The following ZNF33B variants were observed in gnomAD, a reference collection of about 807,000 sequenced individuals.
ZNF33B encodes the protein zinc finger protein 33B, also known as zinc finger protein 11b (KOX 2).
In ZNF33B, 29 loss-of-function variants were observed where a neutral mutation model predicts 45.8. That is an observed-to-expected ratio of 0.63 (90% CI 0.47 to 0.86). The LOEUF (loss-of-function observed/expected upper bound fraction) is 0.86. ZNF33B is among the 40% of genes least tolerant of loss of function. The probability of loss-of-function intolerance (pLI) is 0.00; values close to 1 mark genes in which losing one functional copy is unlikely to be tolerated. For missense variants in ZNF33B, 831 were observed against 909.9 expected, an observed-to-expected ratio of 0.91 and a Z score of 1.12; for synonymous variants, 305 against 307.8, an observed-to-expected ratio of 0.99 and a Z score of 0.10.
At chr10:42,634,779 A>C (rs1589077769) in intron 2 of ZNF33B, among the ~76,000 whole-genome samples, 2 of 152,268 alleles carry the variant, frequency 1.3e-5, no homozygotes, top group Non-Finnish European at 2.9e-5. Flanking sequence ...ACCCATTCCA[A>C]TGAAAGAGAG....
chr10:42,621,536 A>G (rs1838590674), intron 4 of ZNF33B, among the ~76,000 whole-genome samples: 1 of 151,752 alleles, frequency 6.6e-6, no homozygotes, highest in African/African-American at 2.4e-5. Context: ...AAGAAAATCA[A>G]TGTTTTTAAA....
At chr10:42,594,965 G>A (rs1397979062) in intron 4 of ZNF33B, among the ~76,000 whole-genome samples, 1 of 151,998 alleles carries the variant, frequency 6.6e-6, no homozygotes, top group Non-Finnish European at 1.5e-5. Flanking sequence ...GGTTTCTAAT[G>A]TAAGAAGAAT....
At chr10:42,595,319 T>G (rs1288047234) in intron 4 of ZNF33B, among the ~76,000 whole-genome samples, 1 of 152,110 alleles carries the variant, frequency 6.6e-6, no homozygotes, top group Non-Finnish European at 1.5e-5. Context: ...TTCACATAGA[T>G]TAAAGCTCAG....
rs1839451617 is a variant in ZNF33B, at chr10:42,638,509, A to C, written c.-80T>G. On this transcript the variant is annotated 5_prime_UTR_variant, in exon 1 of 5. Transcript: ENST00000359467. The stretch of plus-strand genomic sequence containing the variant: ...CTTCGGGTTGCATTCGCCATAAGAG[A>C]GCCGGTAGACCCCTGAAATCCCGGG... The C allele has an allele frequency of 2.1e-6, 1 of 482,228 alleles. No individual in the cohort carries two copies. The allele number at this position is 482,228 out of a possible 1,614,324, so 29.9% of individuals were successfully genotyped here.
chr10:42,612,200 G>GT (rs746942801), intron 4 of ZNF33B, among the ~76,000 whole-genome samples: 7 of 146,930 alleles, frequency 4.8e-5, no homozygotes, highest in Non-Finnish European at 7.5e-5. Context: ...GTTTTCTTCT[G>GT]TAGCCTGTTG....
downstream of ZNF33B, among the ~76,000 whole-genome samples, chr10:42,586,628 A>G (rs1836941647): frequency 6.6e-6 from 1 of 152,036 alleles, no homozygotes. Flanking sequence ...GCTGCATGCA[A>G]ACACACACAC....
intron 1 of ZNF33B, among the ~76,000 whole-genome samples, chr10:42,577,408 C>T (rs1469142934): frequency 6.6e-6 from 1 of 152,210 alleles, no homozygotes; most frequent in Non-Finnish European, 1.5e-5. Flanking sequence ...TTCCTACCGT[C>T]TCCTTCTCCC....
At chr10:42,619,809 A>G (rs1838491394) in intron 4 of ZNF33B, among the ~76,000 whole-genome samples, 1 of 152,224 alleles carries the variant, frequency 6.6e-6, no homozygotes, top group South Asian at 2.1e-4. Flanking sequence ...CTAGATTGTC[A>G]TGAATTTAGA....
intron 4 of ZNF33B, among the ~76,000 whole-genome samples, chr10:42,615,758 T>C (rs1838284433): frequency 6.6e-6 from 1 of 151,304 alleles, no homozygotes; most frequent in Non-Finnish European, 1.5e-5. Flanking sequence ...ACCCTGTCTC[T>C]ACTAAAAATA....
At chr10:42,583,009 G>T in intron 1 of ZNF33B, 2 of 736,312 alleles carry the variant, frequency 2.7e-6, no homozygotes, top group South Asian at 1.4e-5. Flanking sequence ...TTTGGAAGAA[G>T]GGAAGGCCAT....
Position 42,600,817 on chromosome 10 carries a change from A to G in ZNF33B, c.251-6118T>C, listed in dbSNP as rs1327525789. Among the ~76,000 whole-genome samples the G allele has an allele frequency of 2.6e-5, 4 of 152,198 alleles. No homozygotes were observed. The East Asian group carries it at 7.7e-4, about 29-fold the overall frequency. ...TTTCAATATATGTTATAAACCCCAC[A>G]ATACATTTGATGTTATTTTTGTATA... is the stretch of plus-strand genomic sequence containing the variant. On this transcript the variant is annotated intron_variant, in intron 4 of 4. Coordinates refer to ENST00000359467, the MANE Select transcript of ZNF33B (RefSeq NM_006955.3).
chr10:42,600,153 A>G (rs1248409341), intron 4 of ZNF33B, among the ~76,000 whole-genome samples: 1 of 152,090 alleles, frequency 6.6e-6, no homozygotes, highest in Non-Finnish European at 1.5e-5. Flanking sequence ...CCTTGAAAAG[A>G]ATGTATATTC....
At chr10:42,612,979 G>T (rs1354532262) in intron 4 of ZNF33B, among the ~76,000 whole-genome samples, 2 of 152,052 alleles carry the variant, frequency 1.3e-5, no homozygotes, top group Non-Finnish European at 2.9e-5. Context: ...CTAAGTCATG[G>T]GTTAAGAAGA....
At chr10:42,580,198 GCTGC>G (rs1218908680) in intron 1 of ZNF33B, among the ~76,000 whole-genome samples, 2 of 152,110 alleles carry the variant, frequency 1.3e-5, no homozygotes, top group Non-Finnish European at 2.9e-5. Context: ...TGAGGTCAGG[GCTGC>G]CATAAAGTCC....
chr10:42,634,974 T>C (rs1299255171), intron 2 of ZNF33B, among the ~76,000 whole-genome samples: 1 of 152,172 alleles, frequency 6.6e-6, no homozygotes, highest in Admixed American at 6.5e-5. Context: ...TAGCCAGGCA[T>C]GGTGGCTCAC....
intron 4 of ZNF33B, among the ~76,000 whole-genome samples, chr10:42,603,878 A>T (rs1423929948): frequency 1.3e-5 from 2 of 152,244 alleles, no homozygotes; most frequent in Non-Finnish European, 2.9e-5. Flanking sequence ...ATCATCAGTG[A>T]GAACCCAATG....
At chr10:42,606,583 C>T (rs975071516) in intron 4 of ZNF33B, among the ~76,000 whole-genome samples, 12 of 151,912 alleles carry the variant, frequency 7.9e-5, no homozygotes, top group African/African-American at 2.7e-4. Context: ...GTTAGTATAC[C>T]AAACTCTACA....
chr10:42,627,481 CTA>C lies in ZNF33B; in HGVS notation c.250+4446_250+4447del, dbSNP rs1381456116. 2.6e-4 allele frequency among the ~76,000 whole-genome samples: 40 copies of C among 152,230 alleles called. 1 individual carries two copies. Among genetic ancestry groups the C allele is most frequent in the African/African-American group, 9.4e-4 (39 of 41,544 alleles). On this transcript the variant is annotated intron_variant, in intron 4 of 4. Coordinates refer to ENST00000359467, the MANE Select transcript of ZNF33B (RefSeq NM_006955.3). ...CAATTTTATTCTTTTCCACAGAACC[CTA>C]TGTTTCATTAGTTTTCTCTACTTTT... is the stretch of plus-strand genomic sequence containing the variant.
chr10:42,593,095 A>G lies in ZNF33B; in HGVS notation c.1855T>C (p.Cys619Arg), dbSNP rs777460924. Reference protein sequence around the residue: ...YECNECGKTFCQKSQLTQHQR... With the variant: ...YECNECGKTFRQKSQLTQHQR... Reference sequence around the variant, plus strand: ...TGCTGAGTGAGTTGTGACTTCTGGCAGAAGGTTTTTCCACATTCATTACAT... The same window carrying G: ...TGCTGAGTGAGTTGTGACTTCTGGCGGAAGGTTTTTCCACATTCATTACAT... Residue 619 changes from cysteine to arginine, a missense_variant, in exon 5 of 5, where the codon TGC (cysteine) becomes CGC (arginine). Coordinates refer to ENST00000359467, the MANE Select transcript of ZNF33B (RefSeq NM_006955.3). 1 of 1,613,854 alleles carries G rather than the reference A, an allele frequency of 6.2e-7. No individual in the cohort carries two copies. The highest frequency in any genetic ancestry group is 1.1e-5 in the South Asian group (1 of 91,066).
Sources: allele counts gnomAD v4.1 joint callset (sites outside exome capture counted in the v4.1 genomes callset), GRCh38; gene constraint gnomAD v4.1.1; transcripts MANE v1.5; gene names NCBI Gene and HGNC (gene_info 2026-07-23, HGNC 2026-07-21).